The following MYH10 variants were observed in gnomAD, a reference collection of about 807,000 sequenced individuals.
The protein encoded by MYH10 is myosin heavy chain 10, also known as myosin-10.
Under a neutral mutation model 257.8 loss-of-function variants are expected in MYH10, and 55 were observed. That is an observed-to-expected ratio of 0.21 (90% CI 0.17 to 0.27). The LOEUF is 0.27. Among genes scored for constraint, MYH10 ranks in the 10% least tolerant of loss-of-function variants. MYH10 has a pLI of 1.00. For synonymous variants in MYH10, 854 were observed against 921.7 expected (o/e 0.93, Z 1.33); for missense variants, 1,631 against 2,500.6 (o/e 0.65, Z 7.42).
At chr17:8,528,814 A>T (rs548159798) in intron 17 of MYH10, among the ~76,000 whole-genome samples, 1 of 152,190 alleles carries the variant, frequency 6.6e-6, no homozygotes, top group African/African-American at 2.4e-5. Flanking sequence ...CCATAAGCGC[A>T]TTAAAGAGAA....
rs534339494 is a variant in MYH10 at position 8,497,348 on chromosome 17, T to C, written c.3951+1922A>G. 5.1e-4 allele frequency among the ~76,000 whole-genome samples: 77 copies of C among 152,344 alleles called. 1 individual carries two copies. In the South Asian group the frequency reaches 9.7e-3, roughly 19 times the overall value. On this transcript the variant is annotated intron_variant, in intron 30 of 42. Coordinates refer to ENST00000360416, the MANE Select transcript of MYH10 (RefSeq NM_001256012.3). The stretch of plus-strand genomic sequence containing the variant: ...GACTATATTGTTTTTGCTGGTTGCA[T>C]AGAAGTCCGTATTAAACATTAAAGT...
chr17:8,576,425 A>G (rs2083499336), intron 6 of MYH10, among the ~76,000 whole-genome samples: 1 of 152,236 alleles, frequency 6.6e-6, no homozygotes, highest in Non-Finnish European at 1.5e-5. Flanking sequence ...AAAAGGGCAA[A>G]TAAATATTAA....
chr17:8,600,378 G>A (rs1383326577), intron 3 of MYH10, among the ~76,000 whole-genome samples: 1 of 152,084 alleles, frequency 6.6e-6, no homozygotes, highest in African/African-American at 2.4e-5. Context: ...ACACATTTAG[G>A]AGATTGGACT....
At chr17:8,536,185 A>G (rs2082133472) in intron 14 of MYH10, among the ~76,000 whole-genome samples, 1 of 152,170 alleles carries the variant, frequency 6.6e-6, no homozygotes, top group Non-Finnish European at 1.5e-5. Context: ...GTAAATTGCA[A>G]GTAAATGAAT....
chr17:8,595,015 T>C (rs2084308674), intron 3 of MYH10, among the ~76,000 whole-genome samples: 1 of 152,116 alleles, frequency 6.6e-6, no homozygotes, highest in South Asian at 2.1e-4. Context: ...CTGAAAACAA[T>C]CTAAATGTTC....
chr17:8,545,379 T>C lies in MYH10; in HGVS notation c.1431+69A>G, dbSNP rs2082412116. 1 of 1,563,796 alleles carries C rather than the reference T, an allele frequency of 6.4e-7. No individual in the cohort carries two copies. Among genetic ancestry groups the C allele is most frequent in the African/African-American group, 1.4e-5 (1 of 73,046 alleles). ...TGCCTCGTATGTACTGGGCACACAG[T>C]AAGCCTTCATATTTGTTAAAAGAAC... On this transcript the variant is annotated intron_variant, in intron 13 of 42. Coordinates refer to ENST00000360416, the MANE Select transcript of MYH10 (RefSeq NM_001256012.3). The surrounding 1 kb of genome is among the most constrained non-coding windows in gnomAD (Gnocchi z 4.7).
At chr17:8,493,698 C>A (rs554730509) in intron 32 of MYH10, 35 bp downstream of exon 32, 1 of 1,583,936 alleles carries the variant, frequency 6.3e-7, no homozygotes, top group African/African-American at 1.4e-5. Flanking sequence ...AGGCACACAT[C>A]GAGGCCACCG....
intron 4 of MYH10, among the ~76,000 whole-genome samples, chr17:8,578,657 A>G (rs569353938): frequency 6.6e-6 from 1 of 152,290 alleles, no homozygotes; most frequent in South Asian, 2.1e-4. Flanking sequence ...AGGCTGGCAC[A>G]TTTCAAAAGT....
intron 37 of MYH10, among the ~76,000 whole-genome samples, chr17:8,483,274 T>C (rs1205230040): frequency 1.3e-5 from 2 of 152,282 alleles, no homozygotes; most frequent in Non-Finnish European, 2.9e-5. Flanking sequence ...GCTTGAGAGC[T>C]GATGAGCTAA....
At position 8,524,824 on chromosome 17, in the gene MYH10, C is replaced by T. The variant is rs534112069; in HGVS notation, c.1958-3539G>A. Among the ~76,000 whole-genome samples, 5 of 152,310 alleles carry T rather than the reference C, an allele frequency of 3.3e-5. No homozygotes were observed. In the East Asian group the frequency reaches 7.7e-4, roughly 24 times the overall value. On this transcript the variant is annotated intron_variant, in intron 17 of 42. Transcript: ENST00000360416. ...TCCTTGAGTTTCTCCCACAGCCTGT[C>T]GGATAGTGTCCAAATAACTCAGCTC...
intron 17 of MYH10, among the ~76,000 whole-genome samples, chr17:8,530,202 A>G (rs949640473): frequency 3.3e-5 from 5 of 152,220 alleles, no homozygotes; most frequent in African/African-American, 1.2e-4. Flanking sequence ...CCTCCTTGGA[A>G]TTCCTCAGAG....
rs757153500 is a variant in MYH10, at chr17:8,478,443, T to C, written c.5601A>G (p.Glu1867=). 3.7e-6 allele frequency: 6 copies of C among 1,614,088 alleles called. No homozygotes were observed. In the African/African-American group the frequency reaches 8.0e-5, roughly 22 times the overall value. ...LEEQLEQEAK[E]RAAANKLVRR... is the part of the protein sequence containing the mutation. Reference sequence around the variant, plus strand: ...GGACTAATTTGTTGGCGGCTGCTCGTTCCCTGTGAAAGTGGTCACAGTAGT... The same window carrying C: ...GGACTAATTTGTTGGCGGCTGCTCGCTCCCTGTGAAAGTGGTCACAGTAGT... The change falls in exon 41 of 43, where the codon GAA becomes GAG. Residue 1867 remains glutamate, a synonymous_variant. Transcript: ENST00000360416.
At chr17:8,527,568 T>C (rs944790562) in intron 17 of MYH10, among the ~76,000 whole-genome samples, 9 of 152,320 alleles carry the variant, frequency 5.9e-5, no homozygotes, top group Admixed American at 5.2e-4. Flanking sequence ...ACTAGACTTA[T>C]GTTAAGGAAA....
At position 8,604,980 on chromosome 17, in the gene MYH10, A is replaced by G. The variant is rs144025883; in HGVS notation, c.348T>C (p.Thr116=). The G allele has an allele frequency of 4.1e-6, 6 of 1,447,828 alleles. No homozygotes were observed. In the African/African-American group the frequency reaches 8.7e-5, roughly 21 times the overall value. The allele number at this position is 1,447,828 out of a possible 1,614,324, so 89.7% of individuals were successfully genotyped here. A position where few individuals can be genotyped will look rare whatever the true frequency, so the allele number is the denominator to read the frequency against. The change falls in exon 3 of 43, where the codon ACT becomes ACC. Residue 116 remains threonine, a splice_region_variant and synonymous_variant. Coordinates refer to ENST00000360416, the MANE Select transcript of MYH10 (RefSeq NM_001256012.3). The stretch of plus-strand genomic sequence containing the variant: ...TAACTACACAGAAGAGTCCAGAATA[A>G]GTCTAGAATAAAAATAAAATAGAGT... ...KDRYYSGLIY[T]YSGLFCVVIN...
intron 4 of MYH10, among the ~76,000 whole-genome samples, chr17:8,580,985 C>G (rs1346216746): frequency 6.6e-6 from 1 of 152,118 alleles, no homozygotes; most frequent in Non-Finnish European, 1.5e-5. Flanking sequence ...GAAAGATGAG[C>G]AAGAACTGGC....
At chr17:8,561,096 T>C (rs755238415) in intron 7 of MYH10, 8 of 601,446 alleles carry the variant, frequency 1.3e-5, no homozygotes, top group African/African-American at 5.6e-5. Context: ...GGTTTCCTTA[T>C]TCCCCTCGAC....
intron 2 of MYH10, among the ~76,000 whole-genome samples, chr17:8,618,312 G>C (rs540383430): frequency 2.7e-5 from 4 of 150,086 alleles, no homozygotes; most frequent in Admixed American, 2.0e-4. Context: ...GCAATGGCAC[G>C]ATCTCAGCTC....
chr17:8,482,031 G>T (rs148466536), intron 37 of MYH10, among the ~76,000 whole-genome samples: 1 of 152,222 alleles, frequency 6.6e-6, no homozygotes, highest in African/African-American at 2.4e-5. Context: ...GGACAGCCCT[G>T]TGCCTGCCAG....
At chr17:8,596,937 G>C (rs1008979079) in intron 3 of MYH10, among the ~76,000 whole-genome samples, 1 of 152,110 alleles carries the variant, frequency 6.6e-6, no homozygotes, top group Non-Finnish European at 1.5e-5. Flanking sequence ...TCTAGATTAC[G>C]TAAGGGCAAA....
Sources: gnomAD v4.1 joint callset for allele counts (sites outside exome capture counted in the v4.1 genomes callset) on GRCh38, gnomAD v4.1.1 for gene constraint, Gnocchi (gnomAD v3.1) non-coding constraint, MANE v1.5 for transcripts, NCBI Gene and HGNC (gene_info 2026-07-23, HGNC 2026-07-21) for gene names.